Variants in ANKRD54 observed in about 807,000 individuals in gnomAD.
ANKRD54 encodes ankyrin repeat domain 54, also known as ankyrin repeat domain-containing protein 54.
ANKRD54 carries 26 observed loss-of-function variants against 36.2 expected under a neutral mutation model. The observed-to-expected ratio is 0.72, with a 90% confidence interval of 0.53 to 1.00. The LOEUF is 1.00. Ranked by LOEUF, ANKRD54 falls within the 50% of genes least tolerant of loss-of-function variation. ANKRD54 has a pLI of 0.00. For synonymous variants in ANKRD54, 209 were observed against 188.4 expected (o/e 1.11, Z -0.89); for missense variants, 384 against 424.3 (o/e 0.91, Z 0.83).
At chr22:37,846,766 C>T (rs965556578), upstream of ANKRD54, among the ~76,000 whole-genome samples, 3 of 152,164 alleles carry the variant, frequency 2.0e-5, no homozygotes, top group African/African-American at 7.2e-5. Flanking sequence ...TCTCAAATGT[C>T]ATGAACATTT....
chr22:37,847,020 AT>A (rs1362216986), upstream of ANKRD54, among the ~76,000 whole-genome samples: 2 of 148,994 alleles, frequency 1.3e-5, no homozygotes, highest in Admixed American at 6.7e-5. Context: ...CGCCCGGCTA[AT>A]TTTTTGTATT....
At chr22:37,837,932 G>A (rs1378679114) in intron 3 of ANKRD54, among the ~76,000 whole-genome samples, 3 of 152,186 alleles carry the variant, frequency 2.0e-5, no homozygotes, top group Non-Finnish European at 2.9e-5. Context: ...AGGAGATCGA[G>A]ACCATACTGG....
In ANKRD54 at chr22:37,838,525, G is replaced by A. The variant is rs1364675901; in HGVS notation, c.450C>T (p.Ala150=). ...DDKGRTALHF[A]SCNGNDQIVQ... is the part of the protein sequence containing the mutation. The stretch of plus-strand genomic sequence containing the variant: ...CAATCTGGTCATTGCCATTGCATGA[G>A]GCAAAGTGTAGAGCTGTGCGGCCCT... Residue 150 remains alanine, a synonymous_variant, in exon 3 of 8, where the codon GCC becomes GCT. Coordinates refer to ENST00000215941, the MANE Select transcript of ANKRD54 (RefSeq NM_138797.4). 1.9e-6 allele frequency: 3 copies of A among 1,612,570 alleles called. No individual in the cohort carries two copies. The highest frequency in any genetic ancestry group is 2.5e-6 in the Non-Finnish European group (3 of 1,179,474).
chr22:37,845,362 C>T (rs774917485), upstream of ANKRD54, among the ~76,000 whole-genome samples: 1 of 152,172 alleles, frequency 6.6e-6, no homozygotes. Context: ...CCTCAAGCAA[C>T]ATTTCATGGG....
intron 3 of ANKRD54, among the ~76,000 whole-genome samples, chr22:37,836,776 C>T (rs1455573496): frequency 6.6e-6 from 1 of 151,816 alleles, no homozygotes; most frequent in East Asian, 1.9e-4. Flanking sequence ...CACCTGTAAT[C>T]CCAGCACTTT....
chr22:37,832,557 G>T, intron 7 of ANKRD54, 80 bp downstream of exon 7: 1 of 1,318,280 alleles, frequency 7.6e-7, no homozygotes, highest in Non-Finnish European at 1.1e-6. Context: ...TGATACGAGT[G>T]TCTGGTGGCA....
upstream of ANKRD54, chr22:37,848,414 T>C (rs977063377): frequency 3.3e-5 from 5 of 152,110 alleles, no homozygotes; most frequent in Non-Finnish European, 5.9e-5. Context: ...TTTTTTTTTT[T>C]AGACGGAGTC....
At chr22:37,840,052 T>A (rs1924029201) in intron 2 of ANKRD54, 135 bp downstream of exon 2, 1 of 1,020,314 alleles carries the variant, frequency 9.8e-7, no homozygotes, top group African/African-American at 1.6e-5. Flanking sequence ...GACTGCACAG[T>A]CAGACAATAA....
At chr22:37,844,358 CACG>C, upstream of ANKRD54, 1 of 1,171,774 alleles carries the variant, frequency 8.5e-7, no homozygotes, top group Non-Finnish European at 1.2e-6. Context: ...GGCCCGCAAC[CACG>C]GCAACCGAGC....
At chr22:37,847,694 G>T, upstream of ANKRD54, 1 of 485,294 alleles carries the variant, frequency 2.1e-6, no homozygotes, top group Non-Finnish European at 4.1e-6. Context: ...GGACATTGTT[G>T]GGGACCCTCC....
At position 37,833,007 on chromosome 22, in the gene ANKRD54, T is replaced by G; in HGVS notation, c.671A>C (p.Gln224Pro). 1 of 1,614,150 alleles carries G rather than the reference T, an allele frequency of 6.2e-7. No individual in the cohort carries two copies. Among genetic ancestry groups the G allele is most frequent in the East Asian group, 2.2e-5 (1 of 44,886 alleles). ...CTCTAGGCACTGGGCATGGCCCTCC[T>G]GCAGGATATTCAGCTTTGACTTGGC... ...HLAKSKLNIL[Q>P]EGHAQCLEAV... The change falls in exon 6 of 8, where the codon CAG becomes CCG. Residue 224 changes from glutamine to proline, a missense_variant. Physicochemically the swap from Gln to Pro is moderately conservative, Grantham distance 76. Around this residue, in one of 3 missense-constraint regions of ANKRD54, gnomAD observed 179 missense variants for 224.0 expected, o/e 0.80. Coordinates refer to ENST00000215941, the MANE Select transcript of ANKRD54 (RefSeq NM_138797.4).
upstream of ANKRD54, chr22:37,847,843 A>G: frequency 2.5e-6 from 1 of 394,524 alleles, no homozygotes; most frequent in Non-Finnish European, 5.2e-6. Context: ...AACACAAAAC[A>G]AGAACGCAGC....
chr22:37,833,635 C>G (rs1044096828), intron 4 of ANKRD54, 49 bp downstream of exon 4: 31 of 1,602,108 alleles, frequency 1.9e-5, no homozygotes, highest in Admixed American at 8.4e-5. Context: ...ATCTAAAGAG[C>G]CTTTCTTTGC....
At chr22:37,834,955 A>C (rs1923347595) in intron 3 of ANKRD54, among the ~76,000 whole-genome samples, 1 of 152,030 alleles carries the variant, frequency 6.6e-6, no homozygotes, top group Non-Finnish European at 1.5e-5. Flanking sequence ...GCTACTTGGG[A>C]GGCTGAGGCA....
At chr22:37,844,408 A>G (rs566408607), upstream of ANKRD54, 6 of 616,870 alleles carry the variant, frequency 9.7e-6, no homozygotes, top group East Asian at 1.3e-4. Flanking sequence ...CGGCGAACCA[A>G]TGACTACCCT....
intron 3 of ANKRD54, among the ~76,000 whole-genome samples, chr22:37,835,443 C>G (rs1233001783): frequency 2.6e-5 from 4 of 152,148 alleles, no homozygotes; most frequent in Non-Finnish European, 4.4e-5. Flanking sequence ...AAACAGCAAG[C>G]TCAGAAAATC....
In ANKRD54 at chr22:37,838,570, A is replaced by G. The variant is rs1019839738; in HGVS notation, c.405T>C (p.Asp135=). The G allele has an allele frequency of 2.5e-6, 4 of 1,611,426 alleles. No individual in the cohort carries two copies. Among genetic ancestry groups the G allele is most frequent in the Non-Finnish European group, 3.4e-6 (4 of 1,179,276 alleles). ...TVQQLLEDGA[D]PCAADDKGRT... is the part of the protein sequence containing the mutation. ...GGCCCTTGTCATCAGCTGCACAGGG[A>G]TCCGCGCCATCTTCCAGCAGCTGCT... Residue 135 remains aspartate (D), a synonymous_variant, in exon 3 of 8, where the codon GAT becomes GAC. Transcript: ENST00000215941.
At chr22:37,834,460 C>G (rs767198711) in intron 3 of ANKRD54, 1 of 151,962 alleles carries the variant, frequency 6.6e-6, no homozygotes, top group African/African-American at 2.4e-5. Flanking sequence ...TTTGGGATGC[C>G]GAGGCAGGTG....
At position 37,832,952 on chromosome 22, in the gene ANKRD54, A is replaced by G; in HGVS notation, c.720+6T>C. 1 of 1,613,312 alleles carries G rather than the reference A, an allele frequency of 6.2e-7. No homozygotes were observed. The highest frequency in any genetic ancestry group is 8.5e-7 in the Non-Finnish European group (1 of 1,180,018). ...GCCGTGGTCTCCACACAGAAGGGGT[A>G]CTCACCTGCTTCACCTCCAGACGCA... On this transcript the variant is annotated splice_donor_region_variant and intron_variant, in intron 6 of 7. Coordinates refer to ENST00000215941, the MANE Select transcript of ANKRD54 (RefSeq NM_138797.4).
Sources: allele counts gnomAD v4.1 joint callset (sites outside exome capture counted in the v4.1 genomes callset), GRCh38; gene constraint gnomAD v4.1.1; regional missense constraint gnomAD v4.1.1; transcripts MANE v1.5; gene names NCBI Gene and HGNC (gene_info 2026-07-23, HGNC 2026-07-21).